The following EPHB1 variants were observed in gnomAD, a reference collection of about 807,000 sequenced individuals.
EPHB1 encodes EPH receptor B1.
EPHB1 carries 30 observed loss-of-function variants against 94.4 expected under a neutral mutation model. That is an observed-to-expected ratio of 0.32 (90% CI 0.24 to 0.43). The LOEUF (loss-of-function observed/expected upper bound fraction) is 0.43. Ranked by LOEUF, EPHB1 falls within the 20% of genes least tolerant of loss-of-function variation. The pLI is 1.00. For synonymous variants in EPHB1, 522 were observed against 489.1 expected, an observed-to-expected ratio of 1.07 and a Z score of -0.89; for missense variants, 1,055 against 1,308.3, an observed-to-expected ratio of 0.81 and a Z score of 2.99.
intron 4 of EPHB1, among the ~76,000 whole-genome samples, chr3:135,112,545 C>G (rs1025076945): frequency 9.1e-6 from 1 of 109,866 alleles, no homozygotes; most frequent in Non-Finnish European, 1.8e-5. Context: ...CCCCCTCCCC[C>G]CACCCCACAA....
intron 3 of EPHB1, among the ~76,000 whole-genome samples, chr3:135,098,003 G>A (rs1938870628): frequency 1.3e-5 from 2 of 152,068 alleles, no homozygotes; most frequent in Admixed American, 1.3e-4. Flanking sequence ...TTGAGGCCCT[G>A]TGCACGAACC....
chr3:134,930,561 T>A (rs1348358440), intron 2 of EPHB1, among the ~76,000 whole-genome samples: 1 of 152,146 alleles, frequency 6.6e-6, no homozygotes, highest in Non-Finnish European at 1.5e-5. Flanking sequence ...CTCCCTAACC[T>A]TTACATTTCT....
rs532286800 is a variant in EPHB1 at position 135,254,600 on chromosome 3, G to C, written c.2847-4412G>C. Among the ~76,000 whole-genome samples, 7 of 152,240 alleles carry C rather than the reference G, an allele frequency of 4.6e-5. No homozygotes were observed. The East Asian group carries it at 1.4e-3, about 29-fold the overall frequency. ...TGGTGAATAAGCTTTTTGATGTGCT[G>C]CTGGATTCGGTTTGCCAGTATTTTA... On this transcript the variant is annotated intron_variant, in intron 15 of 15. Coordinates refer to ENST00000398015, the MANE Select transcript of EPHB1 (RefSeq NM_004441.5).
At chr3:135,183,026 T>TTTTC (rs373601553) in intron 10 of EPHB1, among the ~76,000 whole-genome samples, 1,004 of 94,442 alleles carry the variant, frequency 0.011, 19 homozygotes, top group African/African-American at 0.037. Flanking sequence ...TTTTCTTTTC[T>TTTTC]TTTCTTTCTT....
chr3:135,044,037 T>C lies in EPHB1; in HGVS notation c.806-62411T>C, dbSNP rs1936926678. ...AGCAGGCAGAGTTTGTATAATCAAT[T>C]CCAGAACCATACATTTATCAGAAAA... On this transcript the variant is annotated intron_variant, in intron 3 of 15. Transcript: ENST00000398015. Among the ~76,000 whole-genome samples, 3 of 152,202 alleles carry C rather than the reference T, an allele frequency of 2.0e-5. No individual in the cohort carries two copies. The South Asian group carries it at 6.2e-4, about 32-fold the overall frequency.
At chr3:134,907,496 C>T (rs1038647995) in intron 1 of EPHB1, among the ~76,000 whole-genome samples, 2 of 152,188 alleles carry the variant, frequency 1.3e-5, no homozygotes, top group Non-Finnish European at 1.5e-5. Flanking sequence ...AGTGAAGTTC[C>T]GTGTCATTTT....
rs368770644 is a variant in EPHB1 at position 134,834,797 on chromosome 3, T to G, written c.58+39108T>G. ...CTATGCCATCAGAATCTGTGATTAA[T>G]AGACATAATCTCCACCAGAGCATTA... On this transcript the variant is annotated intron_variant, in intron 1 of 15. Transcript: ENST00000398015. Among the ~76,000 whole-genome samples, 17 of 152,312 alleles carry G rather than the reference T, an allele frequency of 1.1e-4. No homozygotes were observed. In the East Asian group the frequency reaches 1.9e-3, roughly 17 times the overall value.
intron 2 of EPHB1, among the ~76,000 whole-genome samples, chr3:134,937,759 C>T (rs930327747): frequency 6.6e-6 from 1 of 152,200 alleles, no homozygotes; most frequent in African/African-American, 2.4e-5. Context: ...GCAGCTCCCA[C>T]CCCTGCCTTG....
At chr3:134,923,157 A>G (rs1245206622) in intron 1 of EPHB1, among the ~76,000 whole-genome samples, 1 of 152,230 alleles carries the variant, frequency 6.6e-6, no homozygotes, top group Admixed American at 6.5e-5. Context: ...GCCTGCTCCA[A>G]TGCTTATGTT....
intron 3 of EPHB1, among the ~76,000 whole-genome samples, chr3:135,060,619 T>C (rs1054621129): frequency 6.6e-6 from 1 of 152,192 alleles, no homozygotes; most frequent in Non-Finnish European, 1.5e-5. Flanking sequence ...TTTTTTATGA[T>C]AGCATTCTTT....
At chr3:134,910,719 G>A (rs2038434860) in intron 1 of EPHB1, among the ~76,000 whole-genome samples, 1 of 152,150 alleles carries the variant, frequency 6.6e-6, no homozygotes, top group African/African-American at 2.4e-5. Context: ...AGGGGCCTTG[G>A]GCATCTTGCC....
Position 134,937,311 on chromosome 3 carries a change from C to A in EPHB1, c.123+11431C>A, listed in dbSNP as rs568816014. ...TCACACATGGTGGCCACATTCCCAC[C>A]CAATTGGGAGAACACACAGAATGTG... is the stretch of plus-strand genomic sequence containing the variant. On this transcript the variant is annotated intron_variant, in intron 2 of 15. Coordinates refer to ENST00000398015, the MANE Select transcript of EPHB1 (RefSeq NM_004441.5). 2.6e-5 allele frequency among the ~76,000 whole-genome samples: 4 copies of A among 152,206 alleles called. No homozygotes were observed. In the South Asian group the frequency reaches 8.3e-4, roughly 31 times the overall value.
At chr3:135,095,895 C>T (rs759528613) in intron 3 of EPHB1, among the ~76,000 whole-genome samples, 7 of 152,182 alleles carry the variant, frequency 4.6e-5, no homozygotes, top group Non-Finnish European at 1.0e-4. Context: ...GTCGCTTTCC[C>T]AAGGCTCTCC....
At chr3:135,179,719 G>A (rs1306776859) in intron 9 of EPHB1, 141 bp from the exon 10 acceptor site, 8 of 877,766 alleles carry the variant, frequency 9.1e-6, no homozygotes, top group Admixed American at 2.2e-5. Context: ...CCAGCAAGAG[G>A]AGGAGAGGCA....
At chr3:135,139,698 G>A (rs1419527198) in intron 5 of EPHB1, among the ~76,000 whole-genome samples, 3 of 152,226 alleles carry the variant, frequency 2.0e-5, no homozygotes, top group Non-Finnish European at 2.9e-5. Flanking sequence ...AGGACCCTCA[G>A]CTGGGCTCTT....
At chr3:134,944,148 T>A (rs2039174594) in intron 2 of EPHB1, among the ~76,000 whole-genome samples, 2 of 152,200 alleles carry the variant, frequency 1.3e-5, no homozygotes, top group Non-Finnish European at 2.9e-5. Context: ...CCCAGGCAAA[T>A]ACTAACATAC....
intron 1 of EPHB1, among the ~76,000 whole-genome samples, chr3:134,858,640 G>A (rs544272210): frequency 2.6e-5 from 4 of 152,308 alleles, no homozygotes; most frequent in South Asian, 2.1e-4. Flanking sequence ...GCAGGAAAGC[G>A]TCTCTGCTCT....
At chr3:135,245,999 T>C (rs1943914564) in intron 13 of EPHB1, among the ~76,000 whole-genome samples, 1 of 152,116 alleles carries the variant, frequency 6.6e-6, no homozygotes, top group South Asian at 2.1e-4. Context: ...GGAGCTGCGC[T>C]CTCTCAGAAA....
chr3:135,102,681 A>G (rs1319402374), intron 3 of EPHB1, among the ~76,000 whole-genome samples: 1 of 152,216 alleles, frequency 6.6e-6, no homozygotes, highest in South Asian at 2.1e-4. Context: ...ATGCACACGT[A>G]TGTTTATTGT....
Sources: allele counts gnomAD v4.1 joint callset (sites outside exome capture counted in the v4.1 genomes callset), GRCh38; gene constraint gnomAD v4.1.1; transcripts MANE v1.5; gene names NCBI Gene and HGNC (gene_info 2026-07-23, HGNC 2026-07-21).